PARVA: variants seen among roughly 807,000 people sequenced by gnomAD.
The protein encoded by PARVA is parvin alpha.
Under a neutral mutation model 52.6 loss-of-function variants are expected in PARVA, and 25 were observed. The observed-to-expected ratio is 0.48, with a 90% CI of 0.35 to 0.66. The LOEUF is 0.66. PARVA is among the 30% of genes least tolerant of loss of function. PARVA has a pLI of 0.01. For synonymous variants in PARVA, 185 were observed against 179.1 expected, an observed-to-expected ratio of 1.03 and a Z score of -0.26; for missense variants, 373 against 450.9, an observed-to-expected ratio of 0.83 and a Z score of 1.56.
intron 12 of PARVA, among the ~76,000 whole-genome samples, chr11:12,524,708 C>T (rs1057043944): frequency 6.6e-6 from 1 of 152,184 alleles, no homozygotes; most frequent in African/African-American, 2.4e-5. Flanking sequence ...CCCTCTTGTC[C>T]ACCCTCTCTG....
At chr11:12,414,498 A>G (rs1388685889) in intron 1 of PARVA, among the ~76,000 whole-genome samples, 1 of 152,254 alleles carries the variant, frequency 6.6e-6, no homozygotes, top group African/African-American at 2.4e-5. Context: ...TAAAACTGCA[A>G]TTAAAATGTG....
At chr11:12,426,822 C>T (rs553902295) in intron 1 of PARVA, among the ~76,000 whole-genome samples, 57 of 152,086 alleles carry the variant, frequency 3.7e-4, no homozygotes, top group African/African-American at 6.0e-4. Context: ...TAGGAGCAGG[C>T]GAAATTAGGA....
At chr11:12,473,611 A>G in intron 1 of PARVA, 134 bp from the exon 2 acceptor site, 2 of 679,064 alleles carry the variant, frequency 2.9e-6, no homozygotes, top group Admixed American at 2.3e-5. Context: ...AATTGATCGT[A>G]GGCTGAGTAA....
At chr11:12,380,155 C>T (rs1349927275) in intron 1 of PARVA, among the ~76,000 whole-genome samples, 1 of 152,166 alleles carries the variant, frequency 6.6e-6, no homozygotes, top group Non-Finnish European at 1.5e-5. Flanking sequence ...TGCATCCTGT[C>T]TCTTTAGTTT....
Position 12,532,259 on chromosome 11 carries a change from GA to G in PARVA, c.*4343del, listed in dbSNP as rs1349925655. Among the ~76,000 whole-genome samples the G allele has an allele frequency of 3.3e-5, 5 of 151,162 alleles. No individual in the cohort carries two copies. Among genetic ancestry groups the G allele is most frequent in the Admixed American group, 1.3e-4 (2 of 15,190 alleles). ...TACAGGATATTAGTAAATGTTAGAT[GA>G]AAAAAAAAGTCACGTTTAAATATGT... On this transcript the variant is annotated 3_prime_UTR_variant, in exon 13 of 13. Coordinates refer to ENST00000334956, the MANE Select transcript of PARVA (RefSeq NM_018222.5).
intron 1 of PARVA, among the ~76,000 whole-genome samples, chr11:12,442,285 A>T (rs1940477854): frequency 6.6e-6 from 1 of 152,244 alleles, no homozygotes; most frequent in East Asian, 1.9e-4. Flanking sequence ...TCAAATGGAG[A>T]TCACAATACC....
chr11:12,441,469 C>T (rs1256189224), intron 1 of PARVA, among the ~76,000 whole-genome samples: 2 of 152,002 alleles, frequency 1.3e-5, no homozygotes, highest in Non-Finnish European at 2.9e-5. Flanking sequence ...TCACAGAATA[C>T]ATTCGGGGGT....
chr11:12,447,131 T>G (rs1940558457), intron 1 of PARVA, among the ~76,000 whole-genome samples: 1 of 152,218 alleles, frequency 6.6e-6, no homozygotes, highest in Non-Finnish European at 1.5e-5. Flanking sequence ...TATACTTGAC[T>G]GTAAAATTGC....
At position 12,514,054 on chromosome 11, in the gene PARVA, C is replaced by T. The variant is rs1941538233; in HGVS notation, c.856C>T (p.Leu286=). ...TAAACTGAACCTGGAGGTCACAGAACTGGAAACCCAGGTGGGTGACAGACC... is the reference window on the plus strand; with the variant it reads ...TAAACTGAACCTGGAGGTCACAGAATTGGAAACCCAGGTGGGTGACAGACC... ...LNKLNLEVTE[L]ETQFADGVYL... Residue 286 remains leucine (L), a synonymous_variant, in exon 10 of 13, where the codon CTG becomes TTG. Transcript: ENST00000334956. The T allele has an allele frequency of 1.2e-6, 2 of 1,613,596 alleles. No homozygotes were observed. The highest frequency in any genetic ancestry group is 1.7e-6 in the Non-Finnish European group (2 of 1,179,554).
At chr11:12,444,602 A>G (rs1013951203) in intron 1 of PARVA, among the ~76,000 whole-genome samples, 2 of 151,834 alleles carry the variant, frequency 1.3e-5, no homozygotes, top group African/African-American at 2.4e-5. Flanking sequence ...GCATCACCTC[A>G]CCCAGCTATT....
At chr11:12,517,368 C>T (rs1413296838) in intron 10 of PARVA, among the ~76,000 whole-genome samples, 2 of 138,518 alleles carry the variant, frequency 1.4e-5, no homozygotes, top group Admixed American at 7.8e-5. Flanking sequence ...AGTTGGTACA[C>T]AGCCTCTGTT....
chr11:12,513,270 G>A (rs770787191), intron 8 of PARVA, 29 bp from the exon 9 acceptor site: 2 of 1,610,100 alleles, frequency 1.2e-6, no homozygotes, highest in East Asian at 2.2e-5. Flanking sequence ...CAGCTCTTGT[G>A]CTCCACATTG....
chr11:12,497,882 A>G (rs1941318123), intron 5 of PARVA, among the ~76,000 whole-genome samples: 1 of 152,122 alleles, frequency 6.6e-6, no homozygotes, highest in Non-Finnish European at 1.5e-5. Context: ...TCTAATGAAG[A>G]CTGCTGTTTA....
At chr11:12,417,922 CA>C (rs1940090094) in intron 1 of PARVA, among the ~76,000 whole-genome samples, 1 of 152,214 alleles carries the variant, frequency 6.6e-6, no homozygotes, top group Admixed American at 6.5e-5. Flanking sequence ...TCCTACAAGG[CA>C]CCCTTTCCTC....
Position 12,529,476 on chromosome 11 carries a change from A to G in PARVA, c.*1551A>G, listed in dbSNP as rs991699149. On this transcript the variant is annotated 3_prime_UTR_variant, in exon 13 of 13. Coordinates refer to ENST00000334956, the MANE Select transcript of PARVA (RefSeq NM_018222.5). ...GGGCTAAATAATCAATTGTGCTGAT[A>G]TTACATCTCGTTATGGAATGTTCCT... 3.9e-5 allele frequency: 6 copies of G among 152,206 alleles called. No individual in the cohort carries two copies. Among genetic ancestry groups the G allele is most frequent in the African/African-American group, 1.2e-4 (5 of 41,458 alleles). The allele number at this position is 152,206 out of a possible 1,614,324, so 9.4% of individuals were successfully genotyped here. A position where few individuals can be genotyped will look rare whatever the true frequency, so the allele number is the denominator to read the frequency against.
At chr11:12,435,928 T>A (rs977308078) in intron 1 of PARVA, among the ~76,000 whole-genome samples, 1 of 152,134 alleles carries the variant, frequency 6.6e-6, no homozygotes, top group Non-Finnish European at 1.5e-5. Flanking sequence ...AGTTTCCGGA[T>A]TCACCTGCCT....
At chr11:12,514,906 C>T (rs1941549665) in intron 10 of PARVA, among the ~76,000 whole-genome samples, 1 of 152,256 alleles carries the variant, frequency 6.6e-6, no homozygotes, top group South Asian at 2.1e-4. Flanking sequence ...TCTTTAGTCT[C>T]TTTTTAACGT....
At chr11:12,452,277 C>T (rs61875561) in intron 1 of PARVA, among the ~76,000 whole-genome samples, 11,547 of 152,206 alleles carry the variant, frequency 0.076, 653 homozygotes, top group Non-Finnish European at 0.11. Context: ...AAGTTTTCTT[C>T]TTTTCCTTAA....
At position 12,532,978 on chromosome 11, in the gene PARVA, G is replaced by T. The variant is rs1021164045; in HGVS notation, c.*5053G>T. Among the ~76,000 whole-genome samples the T allele has an allele frequency of 3.3e-4, 50 of 152,206 alleles. No individual in the cohort carries two copies. The highest frequency in any genetic ancestry group is 1.2e-3 in the African/African-American group (49 of 41,450). ...CTACGTCAGCAATATGGAGTCTGGG[G>T]TTGCCTTTCTCATGTCATACCATGG... On this transcript the variant is annotated 3_prime_UTR_variant, in exon 13 of 13. Transcript: ENST00000334956.
Sources: gnomAD v4.1 joint callset for allele counts (sites outside exome capture counted in the v4.1 genomes callset) on GRCh38, gnomAD v4.1.1 for gene constraint, MANE v1.5 for transcripts, NCBI Gene and HGNC (gene_info 2026-07-23, HGNC 2026-07-21) for gene names.